The following KCNQ3 variants were observed in gnomAD, a reference collection of about 807,000 sequenced individuals.
The protein encoded by KCNQ3 is potassium voltage-gated channel subfamily KQT member 3.
Under a neutral mutation model 92.5 loss-of-function variants are expected in KCNQ3, and 30 were observed. The ratio of observed to expected loss-of-function variants is 0.32; its 90% CI spans 0.24 to 0.44. The LOEUF is 0.44. Ranked by LOEUF, KCNQ3 falls within the 20% of genes least tolerant of loss-of-function variation. KCNQ3 has a pLI of 1.00. For synonymous variants in KCNQ3, 450 were observed against 468.8 expected (o/e 0.96, Z 0.52); for missense variants, 913 against 1,140.3 (o/e 0.80, Z 2.87).
chr8:132,256,653 A>G (rs1340787145), intron 1 of KCNQ3, among the ~76,000 whole-genome samples: 1 of 152,212 alleles, frequency 6.6e-6, no homozygotes, highest in Non-Finnish European at 1.5e-5. Flanking sequence ...TTAACAGTTG[A>G]TTACTTATCA....
intron 1 of KCNQ3, among the ~76,000 whole-genome samples, chr8:132,229,021 C>G (rs28416682): frequency 0.012 from 1,867 of 152,124 alleles, 19 homozygotes; most frequent in South Asian, 0.048. Flanking sequence ...TTTGGGAGGC[C>G]AAGGCAGATG....
intron 11 of KCNQ3, among the ~76,000 whole-genome samples, chr8:132,138,562 TTCCC>T (rs1825180886): frequency 6.6e-6 from 1 of 152,208 alleles, no homozygotes; most frequent in Non-Finnish European, 1.5e-5. Context: ...CTGGTTTCTG[TTCCC>T]TGAGTTTTCT....
At chr8:132,171,745 T>C (rs190568471) in intron 7 of KCNQ3, among the ~76,000 whole-genome samples, 1 of 152,316 alleles carries the variant, frequency 6.6e-6, no homozygotes, top group East Asian at 1.9e-4. Flanking sequence ...GTACCTGGAC[T>C]TTAGGCTGAC....
intron 1 of KCNQ3, among the ~76,000 whole-genome samples, chr8:132,381,277 G>A (rs961447775): frequency 5.3e-5 from 8 of 152,330 alleles, no homozygotes; most frequent in African/African-American, 1.9e-4. Flanking sequence ...TTCCCTGTGT[G>A]AGACAGTCCA....
At chr8:132,193,613 C>T (rs931126529) in intron 1 of KCNQ3, among the ~76,000 whole-genome samples, 1 of 152,224 alleles carries the variant, frequency 6.6e-6, no homozygotes, top group African/African-American at 2.4e-5. Flanking sequence ...GGTTGCCAGC[C>T]AAACATCCCC....
At chr8:132,182,022 G>A (rs1454713388) in intron 3 of KCNQ3, among the ~76,000 whole-genome samples, 1 of 148,376 alleles carries the variant, frequency 6.7e-6, no homozygotes, top group Non-Finnish European at 1.5e-5. Flanking sequence ...TCCAGCCTGG[G>A]CGACAAGAGC....
At chr8:132,284,179 A>G (rs1264651602) in intron 1 of KCNQ3, among the ~76,000 whole-genome samples, 1 of 152,202 alleles carries the variant, frequency 6.6e-6, no homozygotes, top group Non-Finnish European at 1.5e-5. Context: ...AACTTAAAGT[A>G]TAATAAAAAA....
chr8:132,174,635 GA>G (rs1826487248), intron 5 of KCNQ3, among the ~76,000 whole-genome samples: 1 of 152,170 alleles, frequency 6.6e-6, no homozygotes, highest in African/African-American at 2.4e-5. Context: ...GTGAATTTGT[GA>G]TTTTATTTAT....
At chr8:132,194,292 G>A (rs563970352) in intron 1 of KCNQ3, among the ~76,000 whole-genome samples, 1 of 152,346 alleles carries the variant, frequency 6.6e-6, no homozygotes, top group Admixed American at 6.5e-5. Context: ...TTAAGAAGGA[G>A]ACATAACCTT....
At chr8:132,328,712 C>T (rs1450427858) in intron 1 of KCNQ3, among the ~76,000 whole-genome samples, 7 of 151,994 alleles carry the variant, frequency 4.6e-5, no homozygotes, top group East Asian at 1.9e-4. Context: ...TACAATACTC[C>T]GTATCTCTTC....
At chr8:132,295,065 C>T (rs1816974676) in intron 1 of KCNQ3, among the ~76,000 whole-genome samples, 1 of 152,158 alleles carries the variant, frequency 6.6e-6, no homozygotes, top group South Asian at 2.1e-4. Flanking sequence ...AGAGCTTCTG[C>T]ACAGCAAAAG....
At chr8:132,216,108 G>A (rs1173613676) in intron 1 of KCNQ3, among the ~76,000 whole-genome samples, 1 of 152,062 alleles carries the variant, frequency 6.6e-6, no homozygotes, top group Non-Finnish European at 1.5e-5. Flanking sequence ...TGCAGTACTT[G>A]GAAGAGCCAC....
At chr8:132,132,062 T>C in intron 14 of KCNQ3, 118 bp downstream of exon 14, 1 of 741,452 alleles carries the variant, frequency 1.3e-6, no homozygotes, top group Non-Finnish European at 2.3e-6. Context: ...CACTCCAGCC[T>C]GGGCAACAGA....
intron 1 of KCNQ3, among the ~76,000 whole-genome samples, chr8:132,418,128 G>A (rs1820870355): frequency 6.6e-6 from 1 of 152,182 alleles, no homozygotes; most frequent in Non-Finnish European, 1.5e-5. Flanking sequence ...AGGCAGTGCT[G>A]GTTTTTTTCT....
chr8:132,409,003 A>G (rs1820575794), intron 1 of KCNQ3, among the ~76,000 whole-genome samples: 1 of 152,240 alleles, frequency 6.6e-6, no homozygotes, highest in African/African-American at 2.4e-5. Flanking sequence ...CTTCTGACCT[A>G]CAGAACTTGT....
rs768705754 is a variant in KCNQ3 at position 132,163,498 on chromosome 8, G to A, written c.1236-4C>T. The A allele has an allele frequency of 1.2e-6, 2 of 1,610,518 alleles. No individual in the cohort carries two copies. The highest frequency in any genetic ancestry group is 2.7e-5 in the African/African-American group (2 of 74,984). On this transcript the variant is annotated splice_region_variant and splice_polypyrimidine_tract_variant and intron_variant, in intron 8 of 14. Transcript: ENST00000388996. ...TGCTGCCTCCAGCTGTTCTTTCCTA[G>A]AAAGAGAAGAGGGAGAAAAAATAAA...
intron 1 of KCNQ3, among the ~76,000 whole-genome samples, chr8:132,198,580 G>A (rs1233139209): frequency 2.6e-5 from 4 of 152,090 alleles, no homozygotes; most frequent in South Asian, 2.1e-4. Flanking sequence ...GAGCTGAGGC[G>A]GGTGGATCAC....
At chr8:132,397,370 TA>T (rs1398340263) in intron 1 of KCNQ3, among the ~76,000 whole-genome samples, 1 of 152,152 alleles carries the variant, frequency 6.6e-6, no homozygotes, top group Non-Finnish European at 1.5e-5. Context: ...AGCAAAGTAC[TA>T]GATTCCATTA....
At chr8:132,161,096 G>A (rs189297084) in intron 9 of KCNQ3, among the ~76,000 whole-genome samples, 5 of 152,144 alleles carry the variant, frequency 3.3e-5, no homozygotes, top group South Asian at 2.1e-4. Flanking sequence ...ACAAGTCCAC[G>A]TAAATCAAAA....
Sources: allele counts gnomAD v4.1 joint callset (sites outside exome capture counted in the v4.1 genomes callset), GRCh38; gene constraint gnomAD v4.1.1; transcripts MANE v1.5; gene names NCBI Gene and HGNC (gene_info 2026-07-23, HGNC 2026-07-21).